The following ATP9A variants were observed in gnomAD, a reference collection of about 807,000 sequenced individuals.
ATP9A encodes ATPase phospholipid transporting 9A, also known as probable phospholipid-transporting ATPase IIA.
A neutral mutation model predicts 144.1 loss-of-function variants in ATP9A; 52 were observed. That is an observed-to-expected ratio of 0.36 (90% confidence interval 0.29 to 0.45). The LOEUF (loss-of-function observed/expected upper bound fraction) is 0.45, where lower values mean the gene tolerates loss of function less well. ATP9A is among the 20% of genes least tolerant of loss of function. The probability of loss-of-function intolerance (pLI) is 1.00; values close to 1 mark genes in which losing one functional copy is unlikely to be tolerated. For missense variants in ATP9A, 947 were observed against 1,392.7 expected (o/e 0.68, Z 5.09); for synonymous variants, 582 against 557.4 (o/e 1.04, Z -0.62).
intron 3 of ATP9A, among the ~76,000 whole-genome samples, chr20:51,718,375 G>GC (rs1170078181): frequency 1.3e-5 from 2 of 150,462 alleles, no homozygotes; most frequent in African/African-American, 4.9e-5. Context: ...TGTGTGTGTG[G>GC]GGGGGGGTTG....
At position 51,613,620 on chromosome 20, in the gene ATP9A, C is replaced by T. The variant is rs373722358; in HGVS notation, c.2571+57G>A. 6 of 1,518,614 alleles carry T rather than the reference C, an allele frequency of 4.0e-6. No individual in the cohort carries two copies. In the African/African-American group the frequency reaches 5.6e-5, roughly 14 times the overall value. The allele number at this position is 1,518,614 out of a possible 1,614,324, so 94.1% of individuals were successfully genotyped here. ...CATGTGCAGAGGGAGCAGCTGCCCACCCACCTACATGGTATAGCCACAGGC... is the reference window on the plus strand; with the variant it reads ...CATGTGCAGAGGGAGCAGCTGCCCATCCACCTACATGGTATAGCCACAGGC... On this transcript the variant is annotated intron_variant, in intron 23 of 27. Coordinates refer to ENST00000338821, the MANE Select transcript of ATP9A (RefSeq NM_006045.3).
chr20:51,674,385 G>C (rs6091347), intron 10 of ATP9A, 72 bp from the exon 11 acceptor site: 399,806 of 1,527,146 alleles, frequency 0.26, 54,923 homozygotes, highest in Non-Finnish European at 0.28. Flanking sequence ...ACCAGGAGGT[G>C]GAGGCTGCAG....
At chr20:51,712,677 T>G (rs1051257075) in intron 4 of ATP9A, among the ~76,000 whole-genome samples, 3 of 152,216 alleles carry the variant, frequency 2.0e-5, no homozygotes, top group African/African-American at 7.2e-5. Flanking sequence ...GGAAAGGGAT[T>G]AGCCAGCTGG....
chr20:51,641,809 C>A, intron 14 of ATP9A, among the ~76,000 whole-genome samples: 1 of 128,246 alleles, frequency 7.8e-6, no homozygotes, highest in Non-Finnish European at 1.6e-5. Context: ...CCAGTTTGGG[C>A]AACAAGAGCG....
intron 3 of ATP9A, among the ~76,000 whole-genome samples, chr20:51,724,767 G>T (rs2122867021): frequency 6.6e-6 from 1 of 152,258 alleles, no homozygotes; most frequent in Non-Finnish European, 1.5e-5. Flanking sequence ...AGGAGGCGAG[G>T]GAAGGAACAG....
At chr20:51,672,854 A>T (rs796532748) in intron 11 of ATP9A, among the ~76,000 whole-genome samples, 18 of 148,498 alleles carry the variant, frequency 1.2e-4, no homozygotes, top group African/African-American at 4.4e-4. Context: ...CATACAAGTG[A>T]TGTGAAAAGT....
chr20:51,651,293 TAA>T (rs1348371989), intron 14 of ATP9A, among the ~76,000 whole-genome samples: 1 of 134,062 alleles, frequency 7.5e-6, no homozygotes, highest in Non-Finnish European at 1.6e-5. Context: ...ATATATTATA[TAA>T]TATATATTTA....
At chr20:51,610,287 A>G in intron 23 of ATP9A, 122 bp from the exon 24 acceptor site, 2 of 714,262 alleles carry the variant, frequency 2.8e-6, no homozygotes, top group South Asian at 1.8e-5. Flanking sequence ...AAGGTACTTT[A>G]CATGGATTTG....
intron 15 of ATP9A, 95 bp downstream of exon 15, chr20:51,639,248 A>G (rs1244565737): frequency 7.6e-7 from 1 of 1,322,502 alleles, no homozygotes; most frequent in East Asian, 2.4e-5. Context: ...CAGATACCAC[A>G]GTAAAGAGGG....
intron 1 of ATP9A, among the ~76,000 whole-genome samples, chr20:51,750,171 T>A (rs937465414): frequency 5.6e-4 from 85 of 151,952 alleles, no homozygotes; most frequent in African/African-American, 2.0e-3. Flanking sequence ...TAAATAAAAA[T>A]AATAATAAAA....
intron 1 of ATP9A, chr20:51,734,735 G>A (rs984546224): frequency 2.0e-5 from 4 of 201,664 alleles, no homozygotes; most frequent in African/African-American, 7.0e-5. Flanking sequence ...TGAGGAACAT[G>A]CACTTTGCCA....
intron 15 of ATP9A, among the ~76,000 whole-genome samples, chr20:51,638,074 TATATATATATATATATATA>T (rs1568797029): frequency 7.7e-3 from 78 of 10,172 alleles, no homozygotes; most frequent in African/African-American, 0.023. Flanking sequence ...CATCATTTTA[TATATATATATATATATATA>T]TATATATATA....
chr20:51,630,096 G>A (rs997761518), intron 15 of ATP9A, among the ~76,000 whole-genome samples: 8 of 152,332 alleles, frequency 5.3e-5, no homozygotes, highest in Non-Finnish European at 1.0e-4. Flanking sequence ...CTGACGGGTG[G>A]AGGCCAGGGG....
At chr20:51,708,683 C>T (rs2077624876) in intron 4 of ATP9A, among the ~76,000 whole-genome samples, 1 of 152,166 alleles carries the variant, frequency 6.6e-6, no homozygotes, top group South Asian at 2.1e-4. Context: ...TTGCAGTGAG[C>T]TGAGATCACG....
intron 20 of ATP9A, 61 bp downstream of exon 20, chr20:51,618,893 C>A (rs1003646433): frequency 1.9e-6 from 3 of 1,598,492 alleles, no homozygotes; most frequent in Non-Finnish European, 2.6e-6. Context: ...AGTGCCCCTG[C>A]CGAAGCCGGG....
chr20:51,706,670 A>AGTCT (rs1377950945), intron 4 of ATP9A, among the ~76,000 whole-genome samples: 4 of 152,328 alleles, frequency 2.6e-5, no homozygotes, highest in Admixed American at 2.6e-4. Context: ...GAATCACTTA[A>AGTCT]GTCTGGGAGG....
chr20:51,613,863 A>C (rs1038403950), intron 22 of ATP9A, 31 bp from the exon 23 acceptor site: 1 of 1,594,926 alleles, frequency 6.3e-7, no homozygotes. Context: ...GCACCATCAG[A>C]AGCACAAGAG....
At chr20:51,634,169 G>C (rs1475027940) in intron 15 of ATP9A, among the ~76,000 whole-genome samples, 1 of 152,130 alleles carries the variant, frequency 6.6e-6, no homozygotes, top group African/African-American at 2.4e-5. Context: ...CTGAAGAGTG[G>C]CGTATGCCAT....
intron 14 of ATP9A, among the ~76,000 whole-genome samples, chr20:51,647,248 T>A (rs963580719): frequency 1.3e-5 from 2 of 152,098 alleles, no homozygotes; most frequent in African/African-American, 4.8e-5. Flanking sequence ...ATGTGATCAT[T>A]AAGAAATGAC....
Sources: allele counts gnomAD v4.1 joint callset (sites outside exome capture counted in the v4.1 genomes callset), GRCh38; gene constraint gnomAD v4.1.1; transcripts MANE v1.5; gene names NCBI Gene and HGNC (gene_info 2026-07-23, HGNC 2026-07-21).